Variants in SDK1 observed in about 807,000 individuals in gnomAD.
SDK1 encodes protein sidekick-1.
In SDK1, 157 loss-of-function variants were observed where a neutral mutation model predicts 245.5. The observed-to-expected ratio is 0.64, with a 90% CI of 0.56 to 0.73. The LOEUF is 0.73. Among genes scored for constraint, SDK1 ranks in the 30% least tolerant of loss-of-function variants. SDK1 has a pLI of 0.00. For synonymous variants in SDK1, 1,647 were observed against 1,278.5 expected, an observed-to-expected ratio of 1.29 and a Z score of -6.15; for missense variants, 3,583 against 3,002.3, an observed-to-expected ratio of 1.19 and a Z score of -4.52.
chr7:3,860,092 TTG>T (rs1162284071), intron 5 of SDK1, among the ~76,000 whole-genome samples: 3 of 151,946 alleles, frequency 2.0e-5, no homozygotes, highest in African/African-American at 7.3e-5. Context: ...GCTAAGTTTT[TTG>T]TATTTTTAGT....
Position 4,208,272 on chromosome 7 carries a change from C to T in SDK1, c.5388C>T (p.Arg1796=). 1 of 1,613,236 alleles carries T rather than the reference C, an allele frequency of 6.2e-7. No homozygotes were observed. The highest frequency in any genetic ancestry group is 8.5e-7 in the Non-Finnish European group (1 of 1,179,814). The change falls in exon 37 of 45, where the codon CGC becomes CGT. Residue 1796 remains arginine (R), a synonymous_variant. Transcript: ENST00000404826. ...DGPKSDPQQG[R]THQAAPGAPS... ...CTAAGAGTGACCCCCAGCAGGGGCG[C>T]ACCCACCAGGCCGGTAGGAGGAAGG... is the stretch of plus-strand genomic sequence containing the variant.
intron 1 of SDK1, among the ~76,000 whole-genome samples, chr7:3,583,140 G>A (rs1188567583): frequency 1.3e-5 from 2 of 152,196 alleles, no homozygotes; most frequent in South Asian, 2.1e-4. Context: ...CAGGCCTCCA[G>A]CTGGTTCCTG....
At chr7:4,227,031 C>T (rs1305375788) in intron 40 of SDK1, 5 of 181,672 alleles carry the variant, frequency 2.8e-5, no homozygotes, top group East Asian at 1.6e-4. Flanking sequence ...ACCCCCCAGC[C>T]GGAGGCCTGG....
In SDK1 at chr7:4,102,927, G is replaced by A. The variant is rs1782653131; in HGVS notation, c.3325-7736G>A. On this transcript the variant is annotated intron_variant, in intron 22 of 44. Transcript: ENST00000404826. ...CTGCCTTTGTCCGAAATATCATAAA[G>A]TACTGTTTATTAGCCTTAAAAAAAG... Among the ~76,000 whole-genome samples, 5 of 134,698 alleles carry A rather than the reference G, an allele frequency of 3.7e-5. No homozygotes were observed. The Admixed American group carries it at 4.1e-4, about 11-fold the overall frequency. 88.4% of individuals were successfully genotyped at this position (134,698 alleles called of 152,430 possible).
At chr7:3,403,826 T>A (rs6973782) in intron 1 of SDK1, among the ~76,000 whole-genome samples, 1 of 11,566 alleles carries the variant, frequency 8.6e-5, no homozygotes, top group Non-Finnish European at 1.5e-4. Flanking sequence ...ATATCTTACA[T>A]ATATATATAT....
intron 1 of SDK1, among the ~76,000 whole-genome samples, chr7:3,434,852 T>C (rs1779973251): frequency 6.6e-6 from 1 of 152,170 alleles, no homozygotes; most frequent in Non-Finnish European, 1.5e-5. Context: ...AGACTCCTCA[T>C]TGAGCCCAGA....
chr7:3,917,834 G>C (rs567640743), intron 5 of SDK1, among the ~76,000 whole-genome samples: 1 of 152,184 alleles, frequency 6.6e-6, no homozygotes, highest in South Asian at 2.1e-4. Flanking sequence ...AGCGTGGCAA[G>C]TGCATGCACA....
At chr7:3,797,147 C>A (rs1006125894) in intron 4 of SDK1, among the ~76,000 whole-genome samples, 2 of 151,996 alleles carry the variant, frequency 1.3e-5, no homozygotes, top group East Asian at 1.9e-4. Flanking sequence ...CCTGGGACTA[C>A]AGATGTGTGC....
chr7:4,132,319 C>A lies in SDK1; in HGVS notation c.4130-6C>A. 1 of 1,605,714 alleles carries A rather than the reference C, an allele frequency of 6.2e-7. No homozygotes were observed. The highest frequency in any genetic ancestry group is 8.5e-7 in the Non-Finnish European group (1 of 1,173,698). On this transcript the variant is annotated splice_polypyrimidine_tract_variant and splice_region_variant and intron_variant, in intron 27 of 44. Transcript: ENST00000404826. ...AGATCTGAATCCCTGTGGTTTTTCC[C>A]TTCAGCCCCAGGCCCACCAGTGAGG... is the stretch of plus-strand genomic sequence containing the variant.
intron 5 of SDK1, among the ~76,000 whole-genome samples, chr7:3,902,930 A>G (rs187721843): frequency 6.6e-6 from 1 of 152,332 alleles, no homozygotes; most frequent in African/African-American, 2.4e-5. Context: ...ACCACTCAAC[A>G]ATAAAAAGAC....
chr7:3,449,320 A>G (rs993656601), intron 1 of SDK1, among the ~76,000 whole-genome samples: 1 of 151,214 alleles, frequency 6.6e-6, no homozygotes, highest in Non-Finnish European at 1.5e-5. Flanking sequence ...TCTTACTTTC[A>G]TTCATTGTGG....
chr7:3,784,138 C>G (rs568646312), intron 4 of SDK1, among the ~76,000 whole-genome samples: 17 of 146,098 alleles, frequency 1.2e-4, no homozygotes, highest in African/African-American at 4.1e-4. Context: ...CCAGGCTAGT[C>G]TCAAACTCCT....
At chr7:3,845,087 G>A (rs1484570271) in intron 5 of SDK1, among the ~76,000 whole-genome samples, 2 of 152,194 alleles carry the variant, frequency 1.3e-5, no homozygotes, top group East Asian at 1.9e-4. Flanking sequence ...TTCGGAGAGC[G>A]GAGGTCGCGA....
chr7:3,820,017 C>G (rs1253330389), intron 4 of SDK1, among the ~76,000 whole-genome samples: 3 of 152,142 alleles, frequency 2.0e-5, no homozygotes, highest in African/African-American at 7.2e-5. Context: ...TAACACAACT[C>G]ACTCTAGAGA....
intron 4 of SDK1, among the ~76,000 whole-genome samples, chr7:3,689,508 A>G (rs1784384333): frequency 6.6e-6 from 1 of 152,228 alleles, no homozygotes; most frequent in South Asian, 2.1e-4. Context: ...CCCTACGTGT[A>G]GTATTTTTTG....
chr7:3,383,262 T>G (rs536354448), intron 1 of SDK1, among the ~76,000 whole-genome samples: 1 of 152,140 alleles, frequency 6.6e-6, no homozygotes, highest in East Asian at 1.9e-4. Flanking sequence ...ATAACAAAAA[T>G]TAGCCTGGTG....
intron 1 of SDK1, among the ~76,000 whole-genome samples, chr7:3,511,492 C>G (rs942027919): frequency 6.6e-6 from 1 of 152,126 alleles, no homozygotes; most frequent in Admixed American, 6.5e-5. Context: ...GTTTAATGAA[C>G]ATTTAACTAA....
intron 1 of SDK1, among the ~76,000 whole-genome samples, chr7:3,470,251 T>A (rs1371519359): frequency 1.3e-5 from 2 of 152,144 alleles, no homozygotes; most frequent in African/African-American, 2.4e-5. Context: ...AGAATGCTTA[T>A]TTTCTACCAA....
At chr7:3,345,164 C>G (rs1250162907) in intron 1 of SDK1, among the ~76,000 whole-genome samples, 1 of 152,208 alleles carries the variant, frequency 6.6e-6, no homozygotes, top group African/African-American at 2.4e-5. Context: ...TTATTAGGAA[C>G]TGCATTTTGG....
Sources: gnomAD v4.1 joint callset for allele counts (sites outside exome capture counted in the v4.1 genomes callset) on GRCh38, gnomAD v4.1.1 for gene constraint, MANE v1.5 for transcripts, NCBI Gene and HGNC (gene_info 2026-07-23, HGNC 2026-07-21) for gene names.